Variants in MED23 observed in about 807,000 individuals in gnomAD.
MED23 encodes the protein mediator complex subunit 23, also known as mediator of RNA polymerase II transcription subunit 23.
Under a neutral mutation model 163.9 loss-of-function variants are expected in MED23, and 105 were observed. The ratio of observed to expected loss-of-function variants is 0.64; its 90% CI spans 0.55 to 0.75. The LOEUF (loss-of-function observed/expected upper bound fraction) is 0.75. MED23 is among the 30% of genes least tolerant of loss of function. The pLI is 0.00. For missense variants in MED23, 1,054 were observed against 1,649.0 expected, an observed-to-expected ratio of 0.64 and a Z score of 6.25; for synonymous variants, 561 against 565.6, an observed-to-expected ratio of 0.99 and a Z score of 0.12.
intron 28 of MED23, among the ~76,000 whole-genome samples, chr6:131,588,165 T>C (rs1280828422): frequency 6.6e-6 from 1 of 152,198 alleles, no homozygotes; most frequent in Middle Eastern, 3.2e-3. Context: ...GTCATCCCAC[T>C]ACCAAAAGCT....
At chr6:131,584,129 ACTTATC>A (rs1774082495), downstream of MED23, 2 of 558,108 alleles carry the variant, frequency 3.6e-6, no homozygotes, top group East Asian at 6.6e-5. Context: ...TTGGCAAAAG[ACTTATC>A]CTTAGAAAGA....
rs1776842898 is a variant in MED23, at chr6:131,618,360, G to A, written c.780+47C>T. 3.2e-6 allele frequency: 4 copies of A among 1,248,710 alleles called. No individual in the cohort carries two copies. The East Asian group carries it at 9.5e-5, about 30-fold the overall frequency. 77.4% of individuals were successfully genotyped at this position (1,248,710 alleles called of 1,614,324 possible). A position where few individuals can be genotyped will look rare whatever the true frequency, so the allele number is the denominator to read the frequency against. On this transcript the variant is annotated intron_variant, in intron 9 of 28. Transcript: ENST00000368068. Reference sequence around the variant, plus strand: ...CATCACATATCTTATAATCTAGGTTGAAGACTGTCAGATGGACTAAAAGTG... The same window carrying A: ...CATCACATATCTTATAATCTAGGTTAAAGACTGTCAGATGGACTAAAAGTG...
chr6:131,595,107 C>A (rs1417745915), intron 22 of MED23, among the ~76,000 whole-genome samples: 2 of 152,222 alleles, frequency 1.3e-5, no homozygotes, highest in Non-Finnish European at 2.9e-5. Flanking sequence ...GGACTGCCTG[C>A]CAGACAAACA....
chr6:131,582,602 G>C, downstream of MED23: 1 of 1,596,978 alleles, frequency 6.3e-7, no homozygotes. Flanking sequence ...ATAACCAAGT[G>C]AAAACATTGT....
intron 25 of MED23, 118 bp from the exon 26 acceptor site, chr6:131,591,645 A>G (rs1774646308): frequency 1.4e-5 from 11 of 801,404 alleles, no homozygotes; most frequent in Non-Finnish European, 2.1e-5. Context: ...GCTTCTGCAC[A>G]ATACAGCTGG....
intron 24 of MED23, chr6:131,592,699 G>T (rs1452808545): frequency 1.0e-5 from 6 of 598,896 alleles, no homozygotes; most frequent in Non-Finnish European, 1.8e-5. Context: ...ATTTTTAAAA[G>T]AATCTTGAAA....
chr6:131,605,157 G>T, intron 14 of MED23, 83 bp downstream of exon 14: 5 of 1,412,268 alleles, frequency 3.5e-6, no homozygotes, highest in Non-Finnish European at 4.9e-6. Context: ...GAAATAATAC[G>T]CACATAAAAT....
At chr6:131,613,566 C>T (rs1282188687) in intron 10 of MED23, among the ~76,000 whole-genome samples, 2 of 152,090 alleles carry the variant, frequency 1.3e-5, no homozygotes, top group Non-Finnish European at 2.9e-5. Flanking sequence ...ACTGTGTGTT[C>T]TCGTTTTCTA....
At chr6:131,578,537 G>A (rs1773744091) in intron 30 of MED23, among the ~76,000 whole-genome samples, 1 of 152,164 alleles carries the variant, frequency 6.6e-6, no homozygotes, top group South Asian at 2.1e-4. Flanking sequence ...AGCTTCCAAA[G>A]TGTTAGGCTC....
chr6:131,588,437 A>G (rs913640984), intron 28 of MED23, among the ~76,000 whole-genome samples: 3 of 152,158 alleles, frequency 2.0e-5, no homozygotes, highest in African/African-American at 7.2e-5. Flanking sequence ...ATGCTCTTTG[A>G]CCTTTTCCTT....
intron 30 of MED23, among the ~76,000 whole-genome samples, chr6:131,578,373 C>G (rs1773734065): frequency 6.6e-6 from 1 of 152,072 alleles, no homozygotes; most frequent in Admixed American, 6.6e-5. Context: ...CCAATTAGTT[C>G]AGAACACCGA....
At position 131,592,390 on chromosome 6, in the gene MED23, G is replaced by T. The variant is rs753298239; in HGVS notation, c.3469C>A (p.Pro1157Thr). The T allele has an allele frequency of 6.2e-7, 1 of 1,611,502 alleles. No homozygotes were observed. ...ACAAATCACAATTATTAACTCACTGGTAGGGCAGTGATGATCAAACCAATT... is the reference window on the plus strand; with the variant it reads ...ACAAATCACAATTATTAACTCACTGTTAGGGCAGTGATGATCAAACCAATT... ...NAIGLIITALPEPYWIVLHDR... is the reference protein window; with the variant it reads ...NAIGLIITALTEPYWIVLHDR... The change falls in exon 25 of 29, where the codon CCA becomes ACA. Residue 1157 changes from proline (P) to threonine (T), a missense_variant and splice_region_variant. This residue lies in a region of MED23 where 362 missense variants were observed against 471.6 expected (regional missense o/e 0.77). Transcript: ENST00000368068.
chr6:131,628,260 C>T (rs1777669558), upstream of MED23: 1 of 591,816 alleles, frequency 1.7e-6, no homozygotes. Flanking sequence ...GCCCGGTACG[C>T]GCCGTTTGCA....
At chr6:131,589,912 C>T (rs1476843841) in intron 27 of MED23, among the ~76,000 whole-genome samples, 1 of 152,202 alleles carries the variant, frequency 6.6e-6, no homozygotes, top group African/African-American at 2.4e-5. Flanking sequence ...TAACTCCACT[C>T]CTAGGGATCC....
At chr6:131,579,156 C>T (rs763960889) in intron 30 of MED23, 2 of 1,614,086 alleles carry the variant, frequency 1.2e-6, no homozygotes, top group Non-Finnish European at 8.5e-7. Flanking sequence ...GCTGACATCC[C>T]TAATGACAGT....
At chr6:131,619,950 G>T in intron 7 of MED23, 54 bp from the exon 8 acceptor site, 1 of 1,065,580 alleles carries the variant, frequency 9.4e-7, no homozygotes, top group East Asian at 2.4e-5. Context: ...AAGGAAAATT[G>T]AGACTGCCCC....
rs1311008041 is a variant in MED23 at position 131,627,551 on chromosome 6, T to C, written c.72-68A>G. On this transcript the variant is annotated intron_variant, in intron 2 of 28. Coordinates refer to ENST00000368068, the MANE Select transcript of MED23 (RefSeq NM_004830.4). ...AGGTAATTACACACAATCAGAATAG[T>C]GGATCTTATAACCTTCCAACACGAA... 37 of 1,587,646 alleles carry C rather than the reference T, an allele frequency of 2.3e-5. No individual in the cohort carries two copies. In the South Asian group the frequency reaches 3.8e-4, roughly 16 times the overall value.
At chr6:131,627,555 T>G in intron 2 of MED23, 72 bp from the exon 3 acceptor site, 1 of 1,587,814 alleles carries the variant, frequency 6.3e-7, no homozygotes, top group Non-Finnish European at 8.6e-7. Context: ...GAATAGTGGA[T>G]CTTATAACCT....
At chr6:131,606,394 TCA>T in intron 13 of MED23, 83 bp downstream of exon 13, 1 of 1,468,032 alleles carries the variant, frequency 6.8e-7, no homozygotes, top group Non-Finnish European at 9.5e-7. Context: ...TTTCCAAATT[TCA>T]CACAAACACC....
Sources: allele counts gnomAD v4.1 joint callset (sites outside exome capture counted in the v4.1 genomes callset), GRCh38; gene constraint gnomAD v4.1.1; regional missense constraint gnomAD v4.1.1; transcripts MANE v1.5; gene names NCBI Gene and HGNC (gene_info 2026-07-23, HGNC 2026-07-21).